The following MRPS27 variants were observed in gnomAD, a reference collection of about 807,000 sequenced individuals.
The protein encoded by MRPS27 is mitochondrial ribosomal protein S27.
A neutral mutation model predicts 48.9 loss-of-function variants in MRPS27; 43 were observed. The ratio of observed to expected loss-of-function variants is 0.88; its 90% CI spans 0.69 to 1.13. The LOEUF (loss-of-function observed/expected upper bound fraction) is 1.13, where lower values mean the gene tolerates loss of function less well. Among genes scored for constraint, MRPS27 ranks in the 50% most tolerant of loss-of-function variants. MRPS27 has a pLI of 0.00. For synonymous variants in MRPS27, 188 were observed against 171.9 expected (o/e 1.09, Z -0.73); for missense variants, 467 against 476.3 (o/e 0.98, Z 0.18).
intron 4 of MRPS27, among the ~76,000 whole-genome samples, chr5:72,246,536 A>T (rs766746690): frequency 1.3e-5 from 2 of 152,196 alleles, no homozygotes; most frequent in Non-Finnish European, 2.9e-5. Context: ...GGAATTCAAT[A>T]AAAAAACAGA....
At chr5:72,254,485 C>T (rs1748744585) in intron 4 of MRPS27, among the ~76,000 whole-genome samples, 1 of 152,172 alleles carries the variant, frequency 6.6e-6, no homozygotes. Context: ...GGAATTCACA[C>T]TAAACACTAA....
rs939427682 is a variant in MRPS27, at chr5:72,219,608, C to A, written c.*1301G>T. The A allele has an allele frequency of 2.6e-5, 4 of 152,174 alleles. No individual in the cohort carries two copies. Among genetic ancestry groups the A allele is most frequent in the African/African-American group, 7.2e-5 (3 of 41,438 alleles). The allele number at this position is 152,174 out of a possible 1,614,324, so 9.4% of individuals were successfully genotyped here. A position where few individuals can be genotyped will look rare whatever the true frequency, so the allele number is the denominator to read the frequency against. ...AAAATTACACCACTGTACTTAAGGG[C>A]AACACTACATAGTAAGCAAAATCTG... On this transcript the variant is annotated 3_prime_UTR_variant, in exon 11 of 11. Coordinates refer to ENST00000261413, the MANE Select transcript of MRPS27 (RefSeq NM_015084.3).
At chr5:72,235,858 C>T (rs540586001) in intron 5 of MRPS27, among the ~76,000 whole-genome samples, 7 of 152,282 alleles carry the variant, frequency 4.6e-5, no homozygotes, top group Admixed American at 1.3e-4. Context: ...TATCTTCCCA[C>T]ATTTTCCCAC....
At chr5:72,287,498 G>A (rs1216917104) in intron 4 of MRPS27, among the ~76,000 whole-genome samples, 1 of 152,162 alleles carries the variant, frequency 6.6e-6, no homozygotes, top group Non-Finnish European at 1.5e-5. Flanking sequence ...AATTAGCCAG[G>A]CGTGGTGGCA....
chr5:72,306,030 C>T (rs1429428255), intron 2 of MRPS27, among the ~76,000 whole-genome samples: 3 of 152,168 alleles, frequency 2.0e-5, no homozygotes, highest in East Asian at 1.9e-4. Context: ...GAACTATGGC[C>T]CTATCAATAA....
rs532320029 is a variant in MRPS27 at position 72,220,063 on chromosome 5, G to A, written c.*846C>T. The A allele has an allele frequency of 1.3e-5, 2 of 152,842 alleles. No individual in the cohort carries two copies. Among genetic ancestry groups the A allele is most frequent in the East Asian group, 1.9e-4 (1 of 5,184 alleles). 9.5% of individuals were successfully genotyped at this position (152,842 alleles called of 1,614,324 possible). A position where few individuals can be genotyped will look rare whatever the true frequency, so the allele number is the denominator to read the frequency against. On this transcript the variant is annotated 3_prime_UTR_variant, in exon 11 of 11. Coordinates refer to ENST00000261413, the MANE Select transcript of MRPS27 (RefSeq NM_015084.3). ...AATTTCTCCCAGTGCAGGTCCAGAA[G>A]GGCGAGATGTGGCAGAAAGGAGAAT... is the stretch of plus-strand genomic sequence containing the variant.
intron 4 of MRPS27, among the ~76,000 whole-genome samples, chr5:72,287,041 C>T (rs748721804): frequency 1.3e-5 from 2 of 152,120 alleles, no homozygotes; most frequent in African/African-American, 2.4e-5. Flanking sequence ...GGTGGGTGAG[C>T]ATTACCGCCT....
rs1467090750 is a variant in MRPS27, at chr5:72,220,584, C to T, written c.*325G>A. On this transcript the variant is annotated 3_prime_UTR_variant, in exon 11 of 11. Coordinates refer to ENST00000261413, the MANE Select transcript of MRPS27 (RefSeq NM_015084.3). ...CAACCTGACTCTTCAGCCTTGGTTTCTCCCAGTACTGTCACTGGGTCTTAG... is the reference window on the plus strand; with the variant it reads ...CAACCTGACTCTTCAGCCTTGGTTTTTCCCAGTACTGTCACTGGGTCTTAG... 3.0e-5 allele frequency: 8 copies of T among 267,766 alleles called. No homozygotes were observed. The highest frequency in any genetic ancestry group is 5.6e-5 in the Non-Finnish European group (8 of 142,736). The allele number at this position is 267,766 out of a possible 1,614,324, so 16.6% of individuals were successfully genotyped here.
chr5:72,267,412 A>C (rs987854200), intron 4 of MRPS27, among the ~76,000 whole-genome samples: 2 of 152,190 alleles, frequency 1.3e-5, no homozygotes, highest in African/African-American at 4.8e-5. Context: ...TTCATTCAAC[A>C]AATATGATAC....
chr5:72,302,210 G>A (rs1255768051), intron 2 of MRPS27, among the ~76,000 whole-genome samples: 1 of 152,200 alleles, frequency 6.6e-6, no homozygotes, highest in East Asian at 1.9e-4. Context: ...AACGATCTCA[G>A]AATATACAAG....
intron 4 of MRPS27, among the ~76,000 whole-genome samples, chr5:72,285,832 T>A (rs556574207): frequency 2.2e-4 from 34 of 152,314 alleles, no homozygotes; most frequent in Middle Eastern, 6.8e-3. Context: ...GTTGTAATAT[T>A]TTTTTATTGT....
chr5:72,300,807 G>A (rs1013517684), intron 2 of MRPS27, among the ~76,000 whole-genome samples: 1 of 152,174 alleles, frequency 6.6e-6, no homozygotes, highest in Non-Finnish European at 1.5e-5. Flanking sequence ...CCAGCAGTCT[G>A]AGTGAGCATT....
intron 4 of MRPS27, among the ~76,000 whole-genome samples, chr5:72,270,025 T>C (rs1023459277): frequency 6.6e-6 from 1 of 151,900 alleles, no homozygotes; most frequent in Non-Finnish European, 1.5e-5. Flanking sequence ...AAATCCCATC[T>C]CTACTAATAA....
intron 4 of MRPS27, chr5:72,241,631 T>C: frequency 6.5e-7 from 1 of 1,534,838 alleles, no homozygotes; most frequent in Non-Finnish European, 8.7e-7. Flanking sequence ...AGTGAGTCTC[T>C]GGAATGGGCA....
chr5:72,248,773 T>C (rs1748579028), intron 4 of MRPS27, among the ~76,000 whole-genome samples: 1 of 150,336 alleles, frequency 6.7e-6, no homozygotes, highest in African/African-American at 2.4e-5. Flanking sequence ...CAAAATATCA[T>C]TGCAGAAGTT....
intron 7 of MRPS27, chr5:72,228,958 G>A (rs1436207471): frequency 2.6e-5 from 4 of 152,194 alleles, no homozygotes; most frequent in African/African-American, 9.7e-5. Context: ...GCAAAATTAC[G>A]CTTTAATGAA....
chr5:72,270,298 CATTA>C (rs1239384401), intron 4 of MRPS27, among the ~76,000 whole-genome samples: 1 of 150,542 alleles, frequency 6.6e-6, no homozygotes, highest in Admixed American at 6.6e-5. Flanking sequence ...AAAAAATACT[CATTA>C]ATTAAAGGCT....
At chr5:72,312,393 A>G (rs1392086029) in intron 2 of MRPS27, among the ~76,000 whole-genome samples, 1 of 152,160 alleles carries the variant, frequency 6.6e-6, no homozygotes, top group Non-Finnish European at 1.5e-5. Flanking sequence ...AAATTATGTC[A>G]TTATGATAGC....
In MRPS27 at chr5:72,223,684, T is replaced by C. The variant is rs763181395; in HGVS notation, c.1004A>G (p.Lys335Arg). ...GAGACACGTTCTGCTATGATTCACC[T>C]TAAATCGTTCCAGGTATTGAGGAAG... ...SKLPQYLERF[K>R]ALHSKLQALG... Residue 335 changes from lysine to arginine, a missense_variant and splice_region_variant, in exon 10 of 11, where the codon AAG becomes AGG. Transcript: ENST00000261413. 5 of 1,614,054 alleles carry C rather than the reference T, an allele frequency of 3.1e-6. No homozygotes were observed. Among genetic ancestry groups the C allele is most frequent in the Non-Finnish European group, 4.2e-6 (5 of 1,179,916 alleles).
Sources: gnomAD v4.1 joint callset for allele counts (sites outside exome capture counted in the v4.1 genomes callset) on GRCh38, gnomAD v4.1.1 for gene constraint, MANE v1.5 for transcripts, NCBI Gene and HGNC (gene_info 2026-07-23, HGNC 2026-07-21) for gene names.